The following SP4 variants were observed in gnomAD, a reference collection of about 807,000 sequenced individuals.
SP4 encodes the protein transcription factor Sp4.
In SP4, 19 loss-of-function variants were observed where a neutral mutation model predicts 72.8. The ratio of observed to expected loss-of-function variants is 0.26; its 90% CI spans 0.18 to 0.38. The LOEUF (loss-of-function observed/expected upper bound fraction) is 0.38, where lower values mean the gene tolerates loss of function less well. Ranked by LOEUF, SP4 falls within the 10% of genes least tolerant of loss-of-function variation. The pLI is 1.00. For synonymous variants in SP4, 395 were observed against 333.1 expected, an observed-to-expected ratio of 1.19 and a Z score of -2.02; for missense variants, 1,008 against 926.3, an observed-to-expected ratio of 1.09 and a Z score of -1.14.
Position 21,511,303 on chromosome 7 carries a change from A to G in SP4, c.*34A>G. 1.3e-6 allele frequency: 2 copies of G among 1,591,354 alleles called. No homozygotes were observed. The highest frequency in any genetic ancestry group is 1.7e-6 in the Non-Finnish European group (2 of 1,166,188). On this transcript the variant is annotated 3_prime_UTR_variant, in exon 6 of 6. Transcript: ENST00000222584. ...TTATAACAGAGACCTCTAGTGCTGCACTTGTTTACACACCTTTGAAAATCT... is the reference window on the plus strand; with the variant it reads ...TTATAACAGAGACCTCTAGTGCTGCGCTTGTTTACACACCTTTGAAAATCT...
At chr7:21,447,062 T>G (rs1388434694) in intron 3 of SP4, among the ~76,000 whole-genome samples, 2 of 152,188 alleles carry the variant, frequency 1.3e-5, no homozygotes, top group Admixed American at 1.3e-4. Context: ...CCCTAAACCC[T>G]TGGGCATGTA....
At chr7:21,482,891 C>A in intron 5 of SP4, 1 of 300,996 alleles carries the variant, frequency 3.3e-6, no homozygotes, top group Non-Finnish European at 4.9e-6. Context: ...GAGTCTACCA[C>A]ACTATATTAA....
intron 3 of SP4, among the ~76,000 whole-genome samples, chr7:21,454,796 G>A (rs891693630): frequency 3.3e-5 from 5 of 152,116 alleles, no homozygotes; most frequent in African/African-American, 9.7e-5. Context: ...AGAGAAATGG[G>A]GCTATTAGAC....
rs1377581357 is a variant in SP4 at position 21,512,234 on chromosome 7, G to T, written c.*965G>T. On this transcript the variant is annotated 3_prime_UTR_variant, in exon 6 of 6. Transcript: ENST00000222584. ...GCAGAATTCTTTATGCTTTGATGTG[G>T]TAGCCAAAGAAAGAATTACACTTTT... The T allele has an allele frequency of 6.6e-6, 1 of 152,496 alleles. No individual in the cohort carries two copies. The highest frequency in any genetic ancestry group is 1.5e-5 in the Non-Finnish European group (1 of 68,018). 9.4% of individuals were successfully genotyped at this position (152,496 alleles called of 1,614,324 possible).
chr7:21,456,740 A>T (rs1288494225), intron 3 of SP4, among the ~76,000 whole-genome samples: 1 of 152,214 alleles, frequency 6.6e-6, no homozygotes, highest in East Asian at 1.9e-4. Context: ...CCTAGACAGC[A>T]CACGGTCTTA....
At chr7:21,471,298 C>G in intron 3 of SP4, among the ~76,000 whole-genome samples, 1 of 152,096 alleles carries the variant, frequency 6.6e-6, no homozygotes, top group East Asian at 1.9e-4. Flanking sequence ...AGGGGCAAAA[C>G]TGGTGATAAG....
At chr7:21,477,393 C>G (rs1335436688) in intron 4 of SP4, 86 bp downstream of exon 4, 4 of 780,882 alleles carry the variant, frequency 5.1e-6, no homozygotes, top group Middle Eastern at 4.5e-4. Context: ...ATGATGGTCA[C>G]TAGAACTTCA....
At chr7:21,483,130 T>C (rs1032140707) in intron 5 of SP4, among the ~76,000 whole-genome samples, 1 of 152,114 alleles carries the variant, frequency 6.6e-6, no homozygotes, top group Non-Finnish European at 1.5e-5. Flanking sequence ...CTTGAAAGTT[T>C]TTTTCAATCT....
rs2128386870 is a variant in SP4, at chr7:21,428,230, G to A, written c.-22G>A. The A allele has an allele frequency of 6.9e-7, 1 of 1,445,234 alleles. No homozygotes were observed. The highest frequency in any genetic ancestry group is 1.8e-4 in the Middle Eastern group (1 of 5,626). The allele number at this position is 1,445,234 out of a possible 1,614,324, so 89.5% of individuals were successfully genotyped here. ...CCTCTATCCCAGTGTCTCCGTCTGAGGGTTTGTCCTGTTAATGCGGGATGA... is the reference window on the plus strand; with the variant it reads ...CCTCTATCCCAGTGTCTCCGTCTGAAGGTTTGTCCTGTTAATGCGGGATGA... On this transcript the variant is annotated 5_prime_UTR_variant, in exon 1 of 6. Coordinates refer to ENST00000222584, the MANE Select transcript of SP4 (RefSeq NM_003112.5).
intron 3 of SP4, among the ~76,000 whole-genome samples, chr7:21,474,277 T>C (rs183648600): frequency 6.4e-4 from 98 of 152,312 alleles, no homozygotes; most frequent in Non-Finnish European, 2.8e-4. Context: ...ATGACTGTTA[T>C]ATAAATGTTA....
intron 3 of SP4, chr7:21,471,001 T>C: frequency 1.9e-6 from 1 of 526,464 alleles, no homozygotes; most frequent in East Asian, 5.5e-5. Flanking sequence ...AATAGACTTT[T>C]GTCAGACCAA....
chr7:21,483,036 C>T (rs1395285461), intron 5 of SP4, among the ~76,000 whole-genome samples: 1 of 152,064 alleles, frequency 6.6e-6, no homozygotes, highest in African/African-American at 2.4e-5. Flanking sequence ...TAGGTAATGG[C>T]TAAAGAGTCT....
At chr7:21,460,211 G>A (rs1015461473) in intron 3 of SP4, among the ~76,000 whole-genome samples, 1 of 152,218 alleles carries the variant, frequency 6.6e-6, no homozygotes. Context: ...GACCCTTGCG[G>A]TGAGTGTTAA....
intron 5 of SP4, among the ~76,000 whole-genome samples, chr7:21,488,604 G>T (rs1284370397): frequency 2.6e-5 from 4 of 151,086 alleles, no homozygotes; most frequent in Non-Finnish European, 5.9e-5. Context: ...ACTTTAAAGG[G>T]TTACATTTAG....
At chr7:21,461,166 A>G (rs1783963833) in intron 3 of SP4, among the ~76,000 whole-genome samples, 1 of 152,132 alleles carries the variant, frequency 6.6e-6, no homozygotes, top group African/African-American at 2.4e-5. Context: ...CTGCAGGTGG[A>G]GCTGCCTGCC....
intron 2 of SP4, 37 bp downstream of exon 2, chr7:21,428,829 C>T: frequency 1.4e-6 from 2 of 1,477,102 alleles, no homozygotes; most frequent in South Asian, 1.2e-5. Context: ...CATCACGACA[C>T]ATTAGGAGAG....
At chr7:21,462,644 G>A (rs1000103671) in intron 3 of SP4, among the ~76,000 whole-genome samples, 2 of 152,236 alleles carry the variant, frequency 1.3e-5, no homozygotes, top group Non-Finnish European at 2.9e-5. Context: ...TGGAGATGGT[G>A]TAGAAATTAT....
intron 3 of SP4, among the ~76,000 whole-genome samples, chr7:21,436,024 A>G (rs1383948269): frequency 1.3e-5 from 2 of 152,056 alleles, no homozygotes; most frequent in Non-Finnish European, 2.9e-5. Flanking sequence ...TCAGCTCCCC[A>G]AGTAGCAGGG....
At chr7:21,461,430 G>T (rs901664606) in intron 3 of SP4, among the ~76,000 whole-genome samples, 1 of 152,208 alleles carries the variant, frequency 6.6e-6, no homozygotes, top group Non-Finnish European at 1.5e-5. Context: ...GCGCCAGTGG[G>T]CCAGTACTGC....
Sources: gnomAD v4.1 joint callset for allele counts (sites outside exome capture counted in the v4.1 genomes callset) on GRCh38, gnomAD v4.1.1 for gene constraint, MANE v1.5 for transcripts, NCBI Gene and HGNC (gene_info 2026-07-23, HGNC 2026-07-21) for gene names.